SMARCC1: variants seen among roughly 807,000 people sequenced by gnomAD.
The protein encoded by SMARCC1 is SWI/SNF related BAF chromatin remodeling complex subunit C1, also known as SWI/SNF complex subunit SMARCC1.
In SMARCC1, 43 loss-of-function variants were observed where a neutral mutation model predicts 147.4. The observed-to-expected ratio is 0.29, with a 90% CI of 0.23 to 0.38. The LOEUF is 0.38. Ranked by LOEUF, SMARCC1 falls within the 10% of genes least tolerant of loss-of-function variation. The probability of loss-of-function intolerance (pLI) is 1.00; values close to 1 mark genes in which losing one functional copy is unlikely to be tolerated. For missense variants in SMARCC1, 1,119 were observed against 1,381.1 expected, an observed-to-expected ratio of 0.81 and a Z score of 3.01; for synonymous variants, 495 against 484.4, an observed-to-expected ratio of 1.02 and a Z score of -0.29.
chr3:47,761,180 T>C (rs951979850), intron 2 of SMARCC1, among the ~76,000 whole-genome samples: 1 of 151,872 alleles, frequency 6.6e-6, no homozygotes, highest in Non-Finnish European at 1.5e-5. Flanking sequence ...AATGTGTCTG[T>C]GGTCTCAGCC....
chr3:47,666,443 T>C (rs2033421083), intron 19 of SMARCC1, among the ~76,000 whole-genome samples: 1 of 123,046 alleles, frequency 8.1e-6, no homozygotes. Flanking sequence ...TCTACAGATC[T>C]CTACCTGCAG....
chr3:47,595,294 G>A (rs2032255439), intron 26 of SMARCC1, among the ~76,000 whole-genome samples: 2 of 152,138 alleles, frequency 1.3e-5, no homozygotes, highest in Non-Finnish European at 2.9e-5. Flanking sequence ...TTGGGAGGCC[G>A]AGGCGAGATC....
chr3:47,697,418 A>G (rs975878883), intron 11 of SMARCC1, among the ~76,000 whole-genome samples: 1 of 150,884 alleles, frequency 6.6e-6, no homozygotes, highest in African/African-American at 2.4e-5. Context: ...CTCTTGCCTC[A>G]GCCTCCCGAG....
chr3:47,620,807 A>T (rs2032719974), intron 25 of SMARCC1, among the ~76,000 whole-genome samples: 1 of 152,202 alleles, frequency 6.6e-6, no homozygotes, highest in Non-Finnish European at 1.5e-5. Context: ...CTAACTCAAG[A>T]TGAGATTAAG....
chr3:47,673,701 T>C (rs1032125821), intron 18 of SMARCC1, among the ~76,000 whole-genome samples: 1 of 152,142 alleles, frequency 6.6e-6, no homozygotes, highest in African/African-American at 2.4e-5. Context: ...AACAAAAAAT[T>C]CTTTTGTATT....
At chr3:47,728,632 C>T (rs773768975) in intron 6 of SMARCC1, among the ~76,000 whole-genome samples, 3 of 152,192 alleles carry the variant, frequency 2.0e-5, no homozygotes, top group Non-Finnish European at 4.4e-5. Flanking sequence ...GTTGGCTGGG[C>T]GCAGTGGCTC....
intron 26 of SMARCC1, among the ~76,000 whole-genome samples, chr3:47,600,997 A>AAGAGAGAGAGAG (rs1559622849): frequency 1.0e-3 from 30 of 28,932 alleles, no homozygotes; most frequent in East Asian, 3.0e-3. Context: ...GAGGAAGAAA[A>AAGAGAGAGAGAG]TGAGAGAGAG....
chr3:47,622,743 AG>A (rs2032753075), intron 24 of SMARCC1, among the ~76,000 whole-genome samples: 1 of 152,212 alleles, frequency 6.6e-6, no homozygotes, highest in African/African-American at 2.4e-5. Context: ...TGCTGAGGAC[AG>A]CACCTGACAC....
Position 47,720,730 on chromosome 3 carries a change from A to C in SMARCC1, c.652T>G (p.Trp218Gly), listed in dbSNP as rs1434291095. 1 of 1,608,234 alleles carries C rather than the reference A, an allele frequency of 6.2e-7. No individual in the cohort carries two copies. Among genetic ancestry groups the C allele is most frequent in the Non-Finnish European group, 8.5e-7 (1 of 1,176,372 alleles). The change falls in exon 7 of 28, where the codon TGG becomes GGG. Residue 218 changes from tryptophan (W) to glycine (G), a missense_variant. Physicochemically the swap from Trp to Gly is radical, Grantham distance 184 (BLOSUM62 -2). This residue lies in a region of SMARCC1 where 542 missense variants were observed against 611.8 expected (regional missense o/e 0.89). Coordinates refer to ENST00000254480, the MANE Select transcript of SMARCC1 (RefSeq NM_003074.4). ...PYSSSQDDEE[W>G]LRPVMRKEKQ... ...TCTTTTCTCATCACCGGTCTCAACC[A>C]TTCTTCTGGAAGAGAAAAAGAAACA...
rs1348520961 is a variant in SMARCC1, at chr3:47,587,426, C to A, written c.*783G>T. 6.6e-6 allele frequency: 1 copy of A among 152,206 alleles called. No individual in the cohort carries two copies. Among genetic ancestry groups the A allele is most frequent in the African/African-American group, 2.4e-5 (1 of 41,406 alleles). 9.4% of individuals were successfully genotyped at this position (152,206 alleles called of 1,614,324 possible). A position where few individuals can be genotyped will look rare whatever the true frequency, so the allele number is the denominator to read the frequency against. ...TGCCCCCAGAAAAACAAAACACTCA[C>A]CCCCAATCCAATGAATCATCTGCAT... On this transcript the variant is annotated 3_prime_UTR_variant, in exon 28 of 28. Coordinates refer to ENST00000254480, the MANE Select transcript of SMARCC1 (RefSeq NM_003074.4).
chr3:47,736,289 C>A (rs537672565), intron 4 of SMARCC1, among the ~76,000 whole-genome samples, 163 bp from the exon 5 acceptor site: 55 of 152,190 alleles, frequency 3.6e-4, no homozygotes, highest in Admixed American at 1.9e-3. Context: ...AGATACCATA[C>A]CAGATTGCCA....
intron 21 of SMARCC1, among the ~76,000 whole-genome samples, chr3:47,651,371 A>G (rs2106722189): frequency 6.6e-6 from 1 of 152,338 alleles, no homozygotes; most frequent in South Asian, 2.1e-4. Flanking sequence ...TTGCATAAAG[A>G]CTTAAACATT....
intron 19 of SMARCC1, 98 bp from the exon 20 acceptor site, chr3:47,662,690 C>T (rs1461396953): frequency 3.2e-6 from 3 of 947,200 alleles, no homozygotes; most frequent in Non-Finnish European, 1.6e-6. Context: ...AAAATTAATG[C>T]AAATATTTAT....
intron 21 of SMARCC1, among the ~76,000 whole-genome samples, chr3:47,648,199 T>A (rs1405585372): frequency 6.6e-6 from 1 of 152,108 alleles, no homozygotes; most frequent in Non-Finnish European, 1.5e-5. Context: ...TTCACCATGT[T>A]GTGCAGGCTG....
At chr3:47,606,654 T>C (rs982408627) in intron 26 of SMARCC1, among the ~76,000 whole-genome samples, 1 of 152,166 alleles carries the variant, frequency 6.6e-6, no homozygotes, top group African/African-American at 2.4e-5. Context: ...ACAGTAAACT[T>C]CCTCTTAAAA....
intron 21 of SMARCC1, among the ~76,000 whole-genome samples, chr3:47,647,854 T>TC (rs1165698571): frequency 3.9e-5 from 6 of 152,264 alleles, no homozygotes; most frequent in Non-Finnish European, 2.9e-5. Context: ...TCTTTCCATG[T>TC]CCTTATTTGA....
intron 2 of SMARCC1, among the ~76,000 whole-genome samples, chr3:47,751,470 G>A (rs567227310): frequency 9.9e-5 from 15 of 152,114 alleles, no homozygotes; most frequent in African/African-American, 3.4e-4. Flanking sequence ...GAACCCAGGA[G>A]GCGGAAGTTG....
At chr3:47,683,693 C>T (rs2033683273) in intron 14 of SMARCC1, among the ~76,000 whole-genome samples, 1 of 151,486 alleles carries the variant, frequency 6.6e-6, no homozygotes, top group Non-Finnish European at 1.5e-5. Context: ...CGCTGCACTC[C>T]AGCCTGGGCA....
intron 9 of SMARCC1, among the ~76,000 whole-genome samples, 197 bp downstream of exon 9, chr3:47,710,486 A>G (rs2034071308): frequency 6.6e-6 from 1 of 151,994 alleles, no homozygotes; most frequent in Admixed American, 6.6e-5. Context: ...AGATTTTCAT[A>G]CCACTTTTTG....
Sources: allele counts gnomAD v4.1 joint callset (sites outside exome capture counted in the v4.1 genomes callset), GRCh38; gene constraint gnomAD v4.1.1; regional missense constraint gnomAD v4.1.1; transcripts MANE v1.5; gene names NCBI Gene and HGNC (gene_info 2026-07-23, HGNC 2026-07-21).